The following HIPK3 variants were observed in gnomAD, a reference collection of about 807,000 sequenced individuals.
The protein encoded by HIPK3 is homeodomain-interacting protein kinase 3.
Under a neutral mutation model 124.2 loss-of-function variants are expected in HIPK3, and 47 were observed. That is an observed-to-expected ratio of 0.38 (90% CI 0.30 to 0.48). HIPK3 has a LOEUF of 0.48. Ranked by LOEUF, HIPK3 falls within the 20% of genes least tolerant of loss-of-function variation. The pLI is 0.98. For missense variants in HIPK3, 1,286 were observed against 1,454.3 expected (o/e 0.88, Z 1.88); for synonymous variants, 482 against 515.2 (o/e 0.94, Z 0.87).
intron 3 of HIPK3, among the ~76,000 whole-genome samples, chr11:33,335,970 T>TG (rs1170903316): frequency 6.6e-6 from 1 of 152,122 alleles, no homozygotes; most frequent in Non-Finnish European, 1.5e-5. Context: ...TCATGGGCTC[T>TG]GGGGGTATAT....
chr11:33,343,521 C>G (rs537541616), intron 8 of HIPK3, among the ~76,000 whole-genome samples: 284 of 152,220 alleles, frequency 1.9e-3, no homozygotes, highest in African/African-American at 5.7e-3. Context: ...CTCAAGTGAT[C>G]TGCCTGCCTC....
At chr11:33,297,348 C>T (rs1297016815) in intron 2 of HIPK3, among the ~76,000 whole-genome samples, 1 of 152,178 alleles carries the variant, frequency 6.6e-6, no homozygotes, top group Non-Finnish European at 1.5e-5. Flanking sequence ...CCCAACTTGG[C>T]CTCCCAGAGA....
Position 33,356,412 on chromosome 11 carries a change from T to G in HIPK3, c.*2844T>G, listed in dbSNP as rs1203504589. 4 of 152,086 alleles carry G rather than the reference T, an allele frequency of 2.6e-5. No homozygotes were observed. Among genetic ancestry groups the G allele is most frequent in the Non-Finnish European group, 4.4e-5 (3 of 67,912 alleles). The allele number at this position is 152,086 out of a possible 1,614,324, so 9.4% of individuals were successfully genotyped here. A position where few individuals can be genotyped will look rare whatever the true frequency, so the allele number is the denominator to read the frequency against. On this transcript the variant is annotated 3_prime_UTR_variant, in exon 17 of 17. Coordinates refer to ENST00000303296, the MANE Select transcript of HIPK3 (RefSeq NM_005734.5). The stretch of plus-strand genomic sequence containing the variant: ...CCAGTTTTCTTCGGTTTTAATGCTT[T>G]CTTAAATAAAACACTGCATGATTTC...
chr11:33,297,747 A>G (rs1321209406), intron 2 of HIPK3, among the ~76,000 whole-genome samples: 1 of 150,610 alleles, frequency 6.6e-6, no homozygotes, highest in Non-Finnish European at 1.5e-5. Context: ...GAGAGAAGTC[A>G]ATGCCTGGCT....
chr11:33,292,661 G>A (rs907859715), intron 2 of HIPK3, among the ~76,000 whole-genome samples: 1 of 152,136 alleles, frequency 6.6e-6, no homozygotes, highest in African/African-American at 2.4e-5. Context: ...TAGTTGTTTG[G>A]GAACCTTTAT....
intron 15 of HIPK3, 95 bp downstream of exon 15, chr11:33,351,938 TTTGAC>T (rs1419947574): frequency 8.7e-7 from 1 of 1,151,432 alleles, no homozygotes; most frequent in Non-Finnish European, 1.2e-6. Context: ...ATCTCTGAAT[TTTGAC>T]TTGACCCTGC....
intron 2 of HIPK3, among the ~76,000 whole-genome samples, chr11:33,322,107 C>T (rs1402046882): frequency 6.6e-6 from 1 of 152,184 alleles, no homozygotes; most frequent in Non-Finnish European, 1.5e-5. Context: ...TCACACCATT[C>T]TCCTGCCTCA....
Position 33,257,699 on chromosome 11 carries a change from G to C in HIPK3, c.-193G>C. On this transcript the variant is annotated 5_prime_UTR_variant, in exon 1 of 17. Coordinates refer to ENST00000303296, the MANE Select transcript of HIPK3 (RefSeq NM_005734.5). ...GCAGCAGCAGCAGCGGTCGGGGGAGGGTGTTTCGCCGTTTCCTCTCAGCCG... is the reference window on the plus strand; with the variant it reads ...GCAGCAGCAGCAGCGGTCGGGGGAGCGTGTTTCGCCGTTTCCTCTCAGCCG... 1 of 992,084 alleles carries C rather than the reference G, an allele frequency of 1.0e-6. No homozygotes were observed. The highest frequency in any genetic ancestry group is 1.2e-6 in the Non-Finnish European group (1 of 834,744). 61.5% of individuals were successfully genotyped at this position (992,084 alleles called of 1,614,324 possible).
intron 2 of HIPK3, among the ~76,000 whole-genome samples, chr11:33,323,971 T>C (rs1008854413): frequency 6.6e-6 from 1 of 152,236 alleles, no homozygotes; most frequent in African/African-American, 2.4e-5. Flanking sequence ...ACAAATGATG[T>C]CTATTCTCTG....
chr11:33,346,027 T>C (rs1853482542), intron 8 of HIPK3, among the ~76,000 whole-genome samples: 1 of 152,190 alleles, frequency 6.6e-6, no homozygotes, highest in South Asian at 2.1e-4. Flanking sequence ...TGCAAGCCCA[T>C]GTTGAAAGTA....
rs760235974 is a variant in HIPK3 at position 33,341,600 on chromosome 11, G to A, written c.1811G>A (p.Gly604Glu). 1 of 1,613,734 alleles carries A rather than the reference G, an allele frequency of 6.2e-7. No homozygotes were observed. Among genetic ancestry groups the A allele is most frequent in the Non-Finnish European group, 8.5e-7 (1 of 1,179,824 alleles). Reference sequence around the variant, plus strand: ...TCTGCTCATTCAGTTGTGCACCATGGAATACCTCTGCAGGCAGGAACTGCT... The same window carrying A: ...TCTGCTCATTCAGTTGTGCACCATGAAATACCTCTGCAGGCAGGAACTGCT... ...TTSAHSVVHH[G>E]IPLQAGTAQF... is the part of the protein sequence containing the mutation. Residue 604 changes from glycine to glutamate, a missense_variant, in exon 8 of 17, where the codon GGA (glycine) becomes GAA (glutamate). Transcript: ENST00000303296.
At chr11:33,257,283 C>G (rs899143031), upstream of HIPK3, 33 of 983,400 alleles carry the variant, frequency 3.4e-5, no homozygotes, top group Admixed American at 3.1e-4. Flanking sequence ...CGGAGCCGCC[C>G]GGGCTGGGCG....
At chr11:33,343,287 G>GTGTGTGTC (rs1206214583) in intron 8 of HIPK3, among the ~76,000 whole-genome samples, 14 of 142,502 alleles carry the variant, frequency 9.8e-5, no homozygotes, top group African/African-American at 3.5e-4. Context: ...GTGTGTGTGT[G>GTGTGTGTC]TGTCTTTTTT....
chr11:33,265,729 T>A (rs1171152673), intron 1 of HIPK3, among the ~76,000 whole-genome samples: 1 of 129,192 alleles, frequency 7.7e-6, no homozygotes, highest in East Asian at 2.3e-4. Context: ...GCTAAGATCG[T>A]ACCACTGCAA....
Position 33,340,697 on chromosome 11 carries a change from G to T in HIPK3, c.1614-271G>T, listed in dbSNP as rs149658807. Reference sequence around the variant, plus strand: ...TTCGGAAAAAGTTTTTCGTGTAGGGGATCGTAAAATTATTGCATGCTAACC... The same window carrying T: ...TTCGGAAAAAGTTTTTCGTGTAGGGTATCGTAAAATTATTGCATGCTAACC... On this transcript the variant is annotated intron_variant, in intron 6 of 16. Coordinates refer to ENST00000303296, the MANE Select transcript of HIPK3 (RefSeq NM_005734.5). Among the ~76,000 whole-genome samples, 355 of 151,970 alleles carry T rather than the reference G, an allele frequency of 2.3e-3. 3 individuals are homozygous for T. Among genetic ancestry groups the T allele is most frequent in the African/African-American group, 8.1e-3 (335 of 41,450 alleles).
chr11:33,258,471 G>A (rs962220523), intron 1 of HIPK3: 1 of 985,256 alleles, frequency 1.0e-6, no homozygotes, highest in Non-Finnish European at 1.2e-6. Flanking sequence ...ACGTGCGTGC[G>A]TGTGTGTGAT....
At chr11:33,257,990 G>C (rs1367187616) in intron 1 of HIPK3, 101 bp downstream of exon 1, 17 of 919,394 alleles carry the variant, frequency 1.8e-5, no homozygotes, top group Non-Finnish European at 2.2e-5. Context: ...CCCGGGCCTG[G>C]CCCGACACCT....
At position 33,286,515 on chromosome 11, in the gene HIPK3, T is replaced by G. The variant is rs1851557598; in HGVS notation, c.101T>G (p.Val34Gly). 1 of 1,613,988 alleles carries G rather than the reference T, an allele frequency of 6.2e-7. No homozygotes were observed. Among genetic ancestry groups the G allele is most frequent in the Non-Finnish European group, 8.5e-7 (1 of 1,180,004 alleles). ...KKLKVEPSSC[V>G]FQERNYPRTY... Reference sequence around the variant, plus strand: ...CTCAAAGTAGAGCCAAGCAGTTGTGTATTCCAGGAAAGAAACTATCCACGG... The same window carrying G: ...CTCAAAGTAGAGCCAAGCAGTTGTGGATTCCAGGAAAGAAACTATCCACGG... Residue 34 changes from valine to glycine, a missense_variant, in exon 2 of 17, where the codon GTA (valine) becomes GGA (glycine). This residue lies in a region of HIPK3 where 225 missense variants were observed against 240.3 expected (regional missense o/e 0.94). Coordinates refer to ENST00000303296, the MANE Select transcript of HIPK3 (RefSeq NM_005734.5).
chr11:33,317,665 A>T (rs1390721215), intron 2 of HIPK3, among the ~76,000 whole-genome samples: 1 of 152,220 alleles, frequency 6.6e-6, no homozygotes, highest in African/African-American at 2.4e-5. Flanking sequence ...TTCCTCATTG[A>T]TAATTGCTGA....
Sources: gnomAD v4.1 joint callset for allele counts (sites outside exome capture counted in the v4.1 genomes callset) on GRCh38, gnomAD v4.1.1 for gene constraint, gnomAD v4.1.1 regional missense constraint, MANE v1.5 for transcripts, NCBI Gene and HGNC (gene_info 2026-07-23, HGNC 2026-07-21) for gene names.